The following LYST variants were observed in gnomAD, a reference collection of about 807,000 sequenced individuals.
The protein encoded by LYST is lysosomal trafficking regulator.
A neutral mutation model predicts 413.6 loss-of-function variants in LYST; 192 were observed. The ratio of observed to expected loss-of-function variants is 0.46; its 90% CI spans 0.41 to 0.52. The LOEUF is 0.52. Among genes scored for constraint, LYST ranks in the 20% least tolerant of loss-of-function variants. LYST has a pLI of 0.00. For missense variants in LYST, 3,815 were observed against 4,499.9 expected (o/e 0.85, Z 4.35); for synonymous variants, 1,525 against 1,567.3 (o/e 0.97, Z 0.64).
At chr1:235,847,204 G>A (rs930749328) in intron 1 of LYST, among the ~76,000 whole-genome samples, 4 of 152,200 alleles carry the variant, frequency 2.6e-5, no homozygotes, top group African/African-American at 9.7e-5. Flanking sequence ...TAAGCTAGAA[G>A]GGATTGGGGC....
In LYST at chr1:235,805,837, A is replaced by G. The variant is rs1439163280; in HGVS notation, c.3299T>C (p.Leu1100Pro). The change falls in exon 6 of 53, where the codon CTT becomes CCT. Residue 1100 changes from leucine (L) to proline (P), a missense_variant. Physicochemically the swap from Leu to Pro is moderately conservative, Grantham distance 98. Around this residue, in one of 4 missense-constraint regions of LYST, gnomAD observed 1,648 missense variants for 1,810.3 expected, o/e 0.91. Transcript: ENST00000389793. ...GGCTTCCAAAAGTCGTATACTTTGA[A>G]GTGAGGTCTCACTTTCTTGACTTGT... ...LFTSQESETS[L>P]QSIRLLEALL... 9.3e-6 allele frequency: 15 copies of G among 1,613,678 alleles called. No individual in the cohort carries two copies. The highest frequency in any genetic ancestry group is 1.3e-5 in the Non-Finnish European group (15 of 1,179,884).
chr1:235,808,249 G>A (rs1673078743), intron 5 of LYST, among the ~76,000 whole-genome samples: 1 of 152,130 alleles, frequency 6.6e-6, no homozygotes, highest in South Asian at 2.1e-4. Context: ...GACATGGAAG[G>A]AGAACATTTT....
intron 42 of LYST, chr1:235,713,161 G>A (rs1662540573): frequency 1.0e-6 from 1 of 984,484 alleles, no homozygotes. Flanking sequence ...GGCATTGGCT[G>A]GCCACTAAAA....
In LYST at chr1:235,766,082, T is replaced by G; in HGVS notation, c.6118A>C (p.Ile2040Leu). ...TAACAAAAATGATTATACCTACCTA[T>G]GTGCAAAGAAAAGTAGAAGTTCGTG... ...NPTNFYFSLH[I>L]DGKIFQEKVR... The change falls in exon 21 of 53, where the codon ATA (isoleucine) becomes CTA (leucine). Residue 2040 changes from isoleucine (I) to leucine (L), a missense_variant. Around this residue, in one of 4 missense-constraint regions of LYST, gnomAD observed 530 missense variants for 696.5 expected, o/e 0.76. Coordinates refer to ENST00000389793, the MANE Select transcript of LYST (RefSeq NM_000081.4). 1.9e-6 allele frequency: 3 copies of G among 1,609,092 alleles called. No homozygotes were observed. The highest frequency in any genetic ancestry group is 2.6e-6 in the Non-Finnish European group (3 of 1,175,574).
intron 10 of LYST, among the ~76,000 whole-genome samples, chr1:235,798,755 C>A (rs984886905): frequency 4.6e-5 from 7 of 152,044 alleles, no homozygotes; most frequent in Admixed American, 3.9e-4. Context: ...CAAAAGACCA[C>A]ATATTCCATT....
At chr1:235,678,901 G>A (rs1276880751) in intron 48 of LYST, among the ~76,000 whole-genome samples, 1 of 151,594 alleles carries the variant, frequency 6.6e-6, no homozygotes, top group Non-Finnish European at 1.5e-5. Flanking sequence ...TTATTTTTTA[G>A]GTATCTTCTG....
intron 2 of LYST, among the ~76,000 whole-genome samples, chr1:235,832,055 T>C (rs550441339): frequency 3.9e-5 from 6 of 152,326 alleles, no homozygotes; most frequent in African/African-American, 1.4e-4. Flanking sequence ...GTTTCTGGGA[T>C]TTTCCTTCAA....
intron 1 of LYST, among the ~76,000 whole-genome samples, chr1:235,860,037 G>A (rs796287532): frequency 2.4e-4 from 37 of 152,150 alleles, no homozygotes; most frequent in African/African-American, 8.2e-4. Context: ...TGGCAAGCTG[G>A]TCTATAGTTT....
At chr1:235,852,766 G>A (rs1678691002) in intron 1 of LYST, among the ~76,000 whole-genome samples, 1 of 152,120 alleles carries the variant, frequency 6.6e-6, no homozygotes, top group South Asian at 2.1e-4. Flanking sequence ...AGAGTTAAAC[G>A]ATCTCTGGGT....
At position 235,781,951 on chromosome 1, in the gene LYST, G is replaced by A. The variant is rs1247378759; in HGVS notation, c.4999C>T (p.Leu1667=). Residue 1667 remains leucine (L), a synonymous_variant, in exon 15 of 53, where the codon CTG becomes TTG. Coordinates refer to ENST00000389793, the MANE Select transcript of LYST (RefSeq NM_000081.4). ...EFLQLAGKWD[L]GNLLLFNGAK... is the part of the protein sequence containing the mutation. ...CCGTTGAAGAGAAGCAAATTTCCCA[G>A]GTCCCATTTTCCAGCCAACTGCAAA... 1 of 1,613,280 alleles carries A rather than the reference G, an allele frequency of 6.2e-7. No homozygotes were observed. The highest frequency in any genetic ancestry group is 1.7e-5 in the Admixed American group (1 of 59,982).
chr1:235,762,249 G>A (rs1364168166), intron 22 of LYST, among the ~76,000 whole-genome samples: 2 of 152,200 alleles, frequency 1.3e-5, no homozygotes, highest in South Asian at 2.1e-4. Flanking sequence ...AGAACAAAGC[G>A]GGATATTGTA....
chr1:235,846,913 C>T (rs980679624), intron 1 of LYST, among the ~76,000 whole-genome samples: 8 of 151,958 alleles, frequency 5.3e-5, no homozygotes, highest in African/African-American at 1.9e-4. Flanking sequence ...AATCAGTGTT[C>T]CTGAGGAAGA....
Position 235,777,281 on chromosome 1 carries a change from A to C in LYST, c.5242T>G (p.Tyr1748Asp). The C allele has an allele frequency of 6.2e-7, 1 of 1,612,408 alleles. No individual in the cohort carries two copies. The change falls in exon 17 of 53, where the codon TAC becomes GAC. Residue 1748 changes from tyrosine (Y) to aspartate (D), a missense_variant. Coordinates refer to ENST00000389793, the MANE Select transcript of LYST (RefSeq NM_000081.4). ...TAGATGGTATACTGAGCAGGACAGT[A>C]AGTTGTATAAACAACTGAAAGACTT... ...IESLSVVYTT[Y>D]CPAQYTIYEP...
rs199934421 is a variant in LYST, at chr1:235,805,774, T to C, written c.3362A>G (p.Gln1121Arg). 13 of 1,613,470 alleles carry C rather than the reference T, an allele frequency of 8.1e-6. No individual in the cohort carries two copies. In the East Asian group the frequency reaches 2.7e-4, roughly 33 times the overall value. The change falls in exon 6 of 53, where the codon CAA (glutamine) becomes CGA (arginine). Residue 1121 changes from glutamine to arginine, a missense_variant. Gln to Arg is a conservative substitution (Grantham distance 43). Transcript: ENST00000389793. ...AICLHGARTS[Q>R]QKMELELPNQ... ...AGGTAACTCCAATTCCATCTTCTGT[T>C]GACTAGTTCTGGCACCATGAAGACA... is the stretch of plus-strand genomic sequence containing the variant.
In LYST at chr1:235,759,521, G is replaced by A; in HGVS notation, c.6332C>T (p.Thr2111Ile). 1 of 1,613,924 alleles carries A rather than the reference G, an allele frequency of 6.2e-7. No individual in the cohort carries two copies. Among genetic ancestry groups the A allele is most frequent in the Non-Finnish European group, 8.5e-7 (1 of 1,179,846 alleles). ...LRSRSLPAFP[T>I]SSLLTQSQKL... The stretch of plus-strand genomic sequence containing the variant: ...TTGTGATTGCGTTAGTAGTGAAGAA[G>A]TAGGGAATGCTGGTAGGCTTCTAGA... Residue 2111 changes from threonine (T) to isoleucine (I), a missense_variant, in exon 23 of 53, where the codon ACT (threonine) becomes ATT (isoleucine). Physicochemically the swap from Thr to Ile is moderately conservative, Grantham distance 89. Transcript: ENST00000389793.
chr1:235,663,845 C>T (rs928016253), intron 52 of LYST, 139 bp downstream of exon 52: 10 of 744,566 alleles, frequency 1.3e-5, no homozygotes, highest in Non-Finnish European at 2.2e-5. Context: ...TCACGGACAA[C>T]CCGCTGTGTG....
At chr1:235,838,507 T>A (rs1676820706) in intron 1 of LYST, among the ~76,000 whole-genome samples, 2 of 152,366 alleles carry the variant, frequency 1.3e-5, no homozygotes, top group South Asian at 4.1e-4. Context: ...CATCTTTTCT[T>A]TAAGTATAAT....
At chr1:235,827,679 G>A (rs1572387039) in intron 3 of LYST, 1 of 984,060 alleles carries the variant, frequency 1.0e-6, no homozygotes, top group East Asian at 1.1e-4. Context: ...CACATCTACT[G>A]TTCCTACTAT....
At chr1:235,741,668 G>C in intron 30 of LYST, 40 bp from the exon 31 acceptor site, 1 of 1,425,216 alleles carries the variant, frequency 7.0e-7, no homozygotes, top group Admixed American at 1.7e-5. Flanking sequence ...GGATCAGACT[G>C]CTTAAGCAAT....
Sources: allele counts gnomAD v4.1 joint callset (sites outside exome capture counted in the v4.1 genomes callset), GRCh38; gene constraint gnomAD v4.1.1; regional missense constraint gnomAD v4.1.1; transcripts MANE v1.5; gene names NCBI Gene and HGNC (gene_info 2026-07-23, HGNC 2026-07-21).